The following IRAK3 variants were observed in gnomAD, a reference collection of about 807,000 sequenced individuals.
The protein encoded by IRAK3 is interleukin-1 receptor-associated kinase 3.
Under a neutral mutation model 56.6 loss-of-function variants are expected in IRAK3, and 57 were observed. That is an observed-to-expected ratio of 1.01 (90% CI 0.81 to 1.26). The LOEUF (loss-of-function observed/expected upper bound fraction) is 1.26. Among genes scored for constraint, IRAK3 ranks in the 50% most tolerant of loss-of-function variants. The probability of loss-of-function intolerance (pLI) is 0.00; values close to 1 mark genes in which losing one functional copy is unlikely to be tolerated. For missense variants in IRAK3, 703 were observed against 719.0 expected (o/e 0.98, Z 0.25); for synonymous variants, 258 against 255.7 (o/e 1.01, Z -0.09).
At position 66,247,859 on chromosome 12, in the gene IRAK3, T is replaced by C. The variant is rs2053052036; in HGVS notation, c.1479T>C (p.Asp493=). The C allele has an allele frequency of 1.2e-6, 2 of 1,614,202 alleles. No individual in the cohort carries two copies. The highest frequency in any genetic ancestry group is 1.6e-4 in the Middle Eastern group (1 of 6,062). The part of the protein sequence containing the change: ...ESQNNNLLPS[D]EGLRIDRMTQ... ...AGAATAACAATTTACTACCTTCTGA[T>C]GAAGGCCTGAGGATAGACAGAATGA... Residue 493 remains aspartate, a synonymous_variant, in exon 12 of 12, where the codon GAT becomes GAC. Coordinates refer to ENST00000261233, the MANE Select transcript of IRAK3 (RefSeq NM_007199.3).
chr12:66,228,902 G>GTAGGTT (rs1455264934), intron 8 of IRAK3, among the ~76,000 whole-genome samples: 1 of 152,164 alleles, frequency 6.6e-6, no homozygotes, highest in East Asian at 1.9e-4. Flanking sequence ...GCTAAGCTGG[G>GTAGGTT]ATGTTCGGTA....
intron 8 of IRAK3, among the ~76,000 whole-genome samples, chr12:66,232,987 G>GTT (rs1361961130): frequency 7.0e-6 from 1 of 143,316 alleles, no homozygotes; most frequent in African/African-American, 2.8e-5. Context: ...CTAACCCTTT[G>GTT]ATATTATTAT....
chr12:66,198,349 A>G (rs2052474467), intron 1 of IRAK3: 1 of 152,618 alleles, frequency 6.6e-6, no homozygotes, highest in Non-Finnish European at 1.5e-5. Flanking sequence ...TTTAACGTGA[A>G]CACTCTGCTC....
intron 1 of IRAK3, 104 bp downstream of exon 1, chr12:66,189,536 G>T (rs1484573680): frequency 3.6e-6 from 3 of 831,868 alleles, no homozygotes; most frequent in East Asian, 1.6e-4. Flanking sequence ...GGGCTGGCGC[G>T]GCCTCCGGGA....
rs1315556266 is a variant in IRAK3, at chr12:66,226,855, T to C, written c.768+18T>C. ...AGTGTGTAGTAAGTTCTATCTATTA[T>C]TCTGTCTGATCCTCTGACCCCTTGA... On this transcript the variant is annotated intron_variant, in intron 7 of 11. Coordinates refer to ENST00000261233, the MANE Select transcript of IRAK3 (RefSeq NM_007199.3). 3 of 1,380,130 alleles carry C rather than the reference T, an allele frequency of 2.2e-6. No homozygotes were observed. The highest frequency in any genetic ancestry group is 3.1e-6 in the Non-Finnish European group (3 of 966,612). The allele number at this position is 1,380,130 out of a possible 1,614,324, so 85.5% of individuals were successfully genotyped here. A position where few individuals can be genotyped will look rare whatever the true frequency, so the allele number is the denominator to read the frequency against.
At chr12:66,222,686 CT>C (rs961619189) in intron 6 of IRAK3, among the ~76,000 whole-genome samples, 2 of 151,898 alleles carry the variant, frequency 1.3e-5, no homozygotes, top group African/African-American at 2.4e-5. Context: ...TAAAATTAGG[CT>C]TTTTTTAGTG....
intron 6 of IRAK3, among the ~76,000 whole-genome samples, chr12:66,220,813 C>T (rs1294767992): frequency 6.6e-6 from 1 of 152,122 alleles, no homozygotes; most frequent in African/African-American, 2.4e-5. Context: ...AGCCACCGCG[C>T]CCGGCCTGTT....
rs530962084 is a variant in IRAK3, at chr12:66,248,478, A to G, written c.*307A>G. 172 of 261,434 alleles carry G rather than the reference A, an allele frequency of 6.6e-4. No individual in the cohort carries two copies. The highest frequency in any genetic ancestry group is 3.7e-3 in the African/African-American group (169 of 45,252). The allele number at this position is 261,434 out of a possible 1,614,324, so 16.2% of individuals were successfully genotyped here. A position where few individuals can be genotyped will look rare whatever the true frequency, so the allele number is the denominator to read the frequency against. ...CAAACAAAACAATCAAAACCTACCA[A>G]AAAGGGACTGGATTGTAATGTCCTC... On this transcript the variant is annotated 3_prime_UTR_variant, in exon 12 of 12. Coordinates refer to ENST00000261233, the MANE Select transcript of IRAK3 (RefSeq NM_007199.3).
Position 66,217,211 on chromosome 12 carries a change from T to C in IRAK3, c.629T>C (p.Leu210Ser). 1.2e-6 allele frequency: 2 copies of C among 1,611,944 alleles called. No homozygotes were observed. Among genetic ancestry groups the C allele is most frequent in the Non-Finnish European group, 1.7e-6 (2 of 1,178,116 alleles). ...MQCKKHWKRF[L>S]SELEVLLLFH... is the part of the protein sequence containing the mutation. Reference sequence around the variant, plus strand: ...TGTAAGAAGCATTGGAAGAGGTTTTTATCTGAGCTTGAAGTTTTACTACTG... The same window carrying C: ...TGTAAGAAGCATTGGAAGAGGTTTTCATCTGAGCTTGAAGTTTTACTACTG... The change falls in exon 6 of 12, where the codon TTA (leucine) becomes TCA (serine). Residue 210 changes from leucine to serine, a missense_variant. Physicochemically the swap from Leu to Ser is moderately radical, Grantham distance 145. Transcript: ENST00000261233.
At chr12:66,197,943 A>T (rs1464331886) in intron 1 of IRAK3, 1 of 985,262 alleles carries the variant, frequency 1.0e-6, no homozygotes, top group Non-Finnish European at 1.2e-6. Flanking sequence ...AATGGAATTT[A>T]TGGAAAGTAT....
At position 66,189,345 on chromosome 12, in the gene IRAK3, C is replaced by G. The variant is rs768355162; in HGVS notation, c.46C>G (p.Leu16Val). 7 of 1,532,480 alleles carry G rather than the reference C, an allele frequency of 4.6e-6. No homozygotes were observed. The highest frequency in any genetic ancestry group is 6.1e-6 in the Non-Finnish European group (7 of 1,145,702). 94.9% of individuals were successfully genotyped at this position (1,532,480 alleles called of 1,614,324 possible). A position where few individuals can be genotyped will look rare whatever the true frequency, so the allele number is the denominator to read the frequency against. ...CCGCGGCGCGCTGTCGGCGCACACG[C>G]TGCTGTTCGACCTGCCGCCCGCGCT... The part of the protein sequence containing the change: ...GARGALSAHT[L>V]LFDLPPALLG... The change falls in exon 1 of 12, where the codon CTG (leucine) becomes GTG (valine). Residue 16 changes from leucine (L) to valine (V), a missense_variant. Leu to Val is a conservative substitution (Grantham distance 32, BLOSUM62 1). Coordinates refer to ENST00000261233, the MANE Select transcript of IRAK3 (RefSeq NM_007199.3).
At chr12:66,245,721 C>T (rs1041318671) in intron 11 of IRAK3, among the ~76,000 whole-genome samples, 6 of 151,392 alleles carry the variant, frequency 4.0e-5, no homozygotes, top group Non-Finnish European at 7.4e-5. Flanking sequence ...TTAATAGAGG[C>T]GGGGTTTCAC....
chr12:66,224,503 T>G (rs2052766484), intron 6 of IRAK3, among the ~76,000 whole-genome samples: 1 of 152,196 alleles, frequency 6.6e-6, no homozygotes, highest in African/African-American at 2.4e-5. Context: ...AGCTGAGACC[T>G]GAAGGATGAG....
At chr12:66,197,761 C>T (rs2052468875) in intron 1 of IRAK3, 1 of 985,282 alleles carries the variant, frequency 1.0e-6, no homozygotes. Flanking sequence ...AAAACCCCAG[C>T]TCATTTGGCA....
At chr12:66,206,410 G>A (rs893114881) in intron 2 of IRAK3, among the ~76,000 whole-genome samples, 1 of 152,250 alleles carries the variant, frequency 6.6e-6, no homozygotes, top group Admixed American at 6.5e-5. Context: ...ATTTTCTTCT[G>A]TTGGTAGGGC....
At chr12:66,212,082 G>T (rs1397161197) in intron 5 of IRAK3, among the ~76,000 whole-genome samples, 1 of 146,366 alleles carries the variant, frequency 6.8e-6, no homozygotes, top group African/African-American at 2.5e-5. Context: ...CTGCACTCCA[G>T]CCTGGGTGAT....
rs757717135 is a variant in IRAK3 at position 66,245,235 on chromosome 12, G to A, written c.1287G>A (p.Arg429=). 34 of 1,614,056 alleles carry A rather than the reference G, an allele frequency of 2.1e-5. No individual in the cohort carries two copies. The highest frequency in any genetic ancestry group is 2.5e-5 in the Non-Finnish European group (30 of 1,180,030). Residue 429 remains arginine, a synonymous_variant, in exon 11 of 12, where the codon CGG becomes CGA. Transcript: ENST00000261233. ...TGGCAGGCCGGTGTGCTGCAACGCG[G>A]GCAAAGTTAAGACCATCAATGGATG... ...FCLAGRCAAT[R]AKLRPSMDEV...
At chr12:66,220,172 T>C (rs1156547241) in intron 6 of IRAK3, among the ~76,000 whole-genome samples, 8 of 152,188 alleles carry the variant, frequency 5.3e-5, no homozygotes. Flanking sequence ...CAGATTTGTA[T>C]GGTTTCAGAT....
rs1244889180 is a variant in IRAK3, at chr12:66,211,559, A to T, written c.550A>T (p.Ile184Phe). ...GATTTTTGAGGTATACAGAGTGGAG[A>T]TTCAAAACCTAACATATGCTGTCAA... ...GEIFEVYRVE[I>F]QNLTYAVKLF... is the part of the protein sequence containing the mutation. Residue 184 changes from isoleucine to phenylalanine, a missense_variant, in exon 5 of 12, where the codon ATT becomes TTT. Coordinates refer to ENST00000261233, the MANE Select transcript of IRAK3 (RefSeq NM_007199.3). The T allele has an allele frequency of 3.1e-6, 5 of 1,612,506 alleles. No individual in the cohort carries two copies. Among genetic ancestry groups the T allele is most frequent in the Non-Finnish European group, 4.2e-6 (5 of 1,178,580 alleles).
Sources: allele counts gnomAD v4.1 joint callset (sites outside exome capture counted in the v4.1 genomes callset), GRCh38; gene constraint gnomAD v4.1.1; transcripts MANE v1.5; gene names NCBI Gene and HGNC (gene_info 2026-07-23, HGNC 2026-07-21).